Variants in KCNU1 observed in about 807,000 individuals in gnomAD.
KCNU1 encodes the protein potassium channel subfamily U member 1.
KCNU1 carries 93 observed loss-of-function variants against 126.8 expected under a neutral mutation model. The observed-to-expected ratio is 0.73, with a 90% CI of 0.62 to 0.87. The LOEUF (loss-of-function observed/expected upper bound fraction) is 0.87. Among genes scored for constraint, KCNU1 ranks in the 40% least tolerant of loss-of-function variants. The pLI, the probability that KCNU1 is intolerant of heterozygous loss-of-function variation, is 0.00. For synonymous variants in KCNU1, 523 were observed against 494.2 expected (o/e 1.06, Z -0.77); for missense variants, 1,330 against 1,367.1 (o/e 0.97, Z 0.43).
intron 26 of KCNU1, among the ~76,000 whole-genome samples, chr8:36,934,325 G>C (rs1270886740): frequency 6.6e-6 from 1 of 152,078 alleles, no homozygotes; most frequent in Admixed American, 6.6e-5. Context: ...AGCATGTCAA[G>C]TGCTAAAGGG....
chr8:36,874,144 C>T (rs1806200113), intron 19 of KCNU1, among the ~76,000 whole-genome samples: 1 of 152,104 alleles, frequency 6.6e-6, no homozygotes, highest in South Asian at 2.1e-4. Context: ...AATATTGCTG[C>T]AGATAGTGCT....
chr8:36,868,883 AGT>A (rs932139764), intron 19 of KCNU1, among the ~76,000 whole-genome samples: 2 of 152,140 alleles, frequency 1.3e-5, no homozygotes, highest in Non-Finnish European at 2.9e-5. Flanking sequence ...AGACCTGTGC[AGT>A]GTTTTATAGT....
At chr8:36,907,733 G>T (rs1807688140) in intron 20 of KCNU1, among the ~76,000 whole-genome samples, 1 of 152,144 alleles carries the variant, frequency 6.6e-6, no homozygotes, top group Non-Finnish European at 1.5e-5. Flanking sequence ...ATTTAACCCA[G>T]CAAAGGACTG....
At chr8:36,867,143 A>G (rs767961364) in intron 19 of KCNU1, among the ~76,000 whole-genome samples, 4 of 152,140 alleles carry the variant, frequency 2.6e-5, no homozygotes, top group Non-Finnish European at 5.9e-5. Flanking sequence ...CAGTTAATCA[A>G]TCAGAAGCCA....
At chr8:36,877,173 T>C (rs1806305320) in intron 19 of KCNU1, among the ~76,000 whole-genome samples, 1 of 152,200 alleles carries the variant, frequency 6.6e-6, no homozygotes, top group African/African-American at 2.4e-5. Context: ...ACATCTGGGC[T>C]AGCAGTTGGG....
At chr8:36,925,111 A>C (rs1199072961) in intron 24 of KCNU1, among the ~76,000 whole-genome samples, 1 of 152,174 alleles carries the variant, frequency 6.6e-6, no homozygotes, top group Non-Finnish European at 1.5e-5. Context: ...GGCTGCCTTC[A>C]GATATTGGGT....
chr8:36,846,207 C>T (rs1159105936), intron 18 of KCNU1, among the ~76,000 whole-genome samples: 2 of 152,236 alleles, frequency 1.3e-5, no homozygotes, highest in African/African-American at 4.8e-5. Flanking sequence ...TGCTGACTTT[C>T]AGCCCATTGC....
rs1158866203 is a variant in KCNU1 at position 36,850,461 on chromosome 8, T to TTC, written c.1891+4563_1891+4564insCT. Among the ~76,000 whole-genome samples the TTC allele has an allele frequency of 5.3e-5, 8 of 151,760 alleles. No homozygotes were observed. In the East Asian group the frequency reaches 1.5e-3, roughly 29 times the overall value. ...CTCTTACAAAATCGGTGATCTTTTT[T>TTC]TTTTTTTTCCTTTGGGACAGGGTCT... On this transcript the variant is annotated intron_variant, in intron 18 of 26. Transcript: ENST00000399881.
rs1162261373 is a variant in KCNU1 at position 36,931,725 on chromosome 8, ATC to A, written c.2931+582_2931+583del. On this transcript the variant is annotated intron_variant, in intron 25 of 26. Coordinates refer to ENST00000399881, the MANE Select transcript of KCNU1 (RefSeq NM_001031836.3). ...TCCCTATACTTAAAATGCTAAAGAA[ATC>A]TGATAAGGTCAGCTGAAATCAGGCA... Among the ~76,000 whole-genome samples the A allele has an allele frequency of 1.3e-4, 20 of 152,200 alleles. 1 individual carries two copies. The East Asian group carries it at 3.9e-3, about 29-fold the overall frequency.
chr8:36,814,200 T>A lies in KCNU1; in HGVS notation c.733-7T>A, dbSNP rs1803826293. ...AGATGTTTCCTGAGTCTTCTCTCTT[T>A]GGACAGGTGGAAAATTCTGGTGATC... On this transcript the variant is annotated splice_polypyrimidine_tract_variant and splice_region_variant and intron_variant, in intron 7 of 26. Coordinates refer to ENST00000399881, the MANE Select transcript of KCNU1 (RefSeq NM_001031836.3). The A allele has an allele frequency of 6.2e-7, 1 of 1,611,366 alleles. No homozygotes were observed. The highest frequency in any genetic ancestry group is 1.3e-5 in the African/African-American group (1 of 74,866).
At chr8:36,821,109 C>T (rs1804108180) in intron 10 of KCNU1, among the ~76,000 whole-genome samples, 1 of 152,064 alleles carries the variant, frequency 6.6e-6, no homozygotes, top group East Asian at 1.9e-4. Context: ...TGCTTCTGAG[C>T]CCAATTTAGC....
chr8:36,923,082 T>A (rs1157540028), intron 24 of KCNU1: 5 of 456,670 alleles, frequency 1.1e-5, no homozygotes, highest in Non-Finnish European at 2.2e-5. Context: ...TCTCCCTCCA[T>A]GTTCCTCCTC....
intron 19 of KCNU1, among the ~76,000 whole-genome samples, chr8:36,893,403 T>C (rs1052539713): frequency 6.6e-6 from 1 of 152,046 alleles, no homozygotes; most frequent in Non-Finnish European, 1.5e-5. Context: ...ATTATTTTTT[T>C]AAAATGCCTC....
At chr8:36,829,644 G>A (rs1489806797) in intron 10 of KCNU1, among the ~76,000 whole-genome samples, 1 of 150,462 alleles carries the variant, frequency 6.6e-6, no homozygotes, top group Non-Finnish European at 1.5e-5. Flanking sequence ...ATTTTATCAT[G>A]TATATTATTT....
chr8:36,923,186 TGGGTGG>T, intron 24 of KCNU1: 1 of 412,742 alleles, frequency 2.4e-6, no homozygotes, highest in South Asian at 1.8e-5. Context: ...AGGATTCCCC[TGGGTGG>T]AATTAATTCA....
At chr8:36,930,325 A>G (rs1808660375) in intron 24 of KCNU1, among the ~76,000 whole-genome samples, 1 of 152,112 alleles carries the variant, frequency 6.6e-6, no homozygotes, top group African/African-American at 2.4e-5. Context: ...AGTTTGCCAT[A>G]TCTTCCTCTG....
At chr8:36,855,011 G>A (rs1563297300) in intron 18 of KCNU1, among the ~76,000 whole-genome samples, 1 of 152,072 alleles carries the variant, frequency 6.6e-6, no homozygotes, top group African/African-American at 2.4e-5. Flanking sequence ...AGGATTCTGT[G>A]TTTGTGTTGG....
At chr8:36,908,578 G>C (rs962399813) in intron 20 of KCNU1, among the ~76,000 whole-genome samples, 3 of 134,916 alleles carry the variant, frequency 2.2e-5, no homozygotes, top group African/African-American at 8.5e-5. Context: ...GAAAACTATC[G>C]CAAGGACAGA....
In KCNU1 at chr8:36,806,368, A is replaced by C; in HGVS notation, c.568A>C (p.Ser190Arg). The change falls in exon 5 of 27, where the codon AGC (serine) becomes CGC (arginine). Residue 190 changes from serine (S) to arginine (R), a missense_variant. By Grantham distance (110) the Ser-to-Arg change is moderately radical. Coordinates refer to ENST00000399881, the MANE Select transcript of KCNU1 (RefSeq NM_001031836.3). ...PPTFISYYLK[S>R]NWLGLRFLRA... ...AACCTTTATTTCTTATTATTTGAAGAGCAATTGGCTAGGTAAGTGTGCTCT... is the reference window on the plus strand; with the variant it reads ...AACCTTTATTTCTTATTATTTGAAGCGCAATTGGCTAGGTAAGTGTGCTCT... The C allele has an allele frequency of 6.3e-7, 1 of 1,591,728 alleles. No homozygotes were observed. Among genetic ancestry groups the C allele is most frequent in the African/African-American group, 1.3e-5 (1 of 74,462 alleles).
Sources: gnomAD v4.1 joint callset for allele counts (sites outside exome capture counted in the v4.1 genomes callset) on GRCh38, gnomAD v4.1.1 for gene constraint, MANE v1.5 for transcripts, NCBI Gene and HGNC (gene_info 2026-07-23, HGNC 2026-07-21) for gene names.